Variants in EYS observed in about 807,000 individuals in gnomAD.
The protein encoded by EYS is protein eyes shut homolog.
A neutral mutation model predicts 282.1 loss-of-function variants in EYS; 250 were observed. That is an observed-to-expected ratio of 0.89 (90% CI 0.80 to 0.98). The LOEUF (loss-of-function observed/expected upper bound fraction) is 0.98, where lower values mean the gene tolerates loss of function less well. Among genes scored for constraint, EYS ranks in the 50% least tolerant of loss-of-function variants. The pLI, the probability that EYS is intolerant of heterozygous loss-of-function variation, is 0.00. For synonymous variants in EYS, 1,355 were observed against 1,282.9 expected, an observed-to-expected ratio of 1.06 and a Z score of -1.20; for missense variants, 4,016 against 3,709.0, an observed-to-expected ratio of 1.08 and a Z score of -2.15.
chr6:64,383,642 A>AAGT (rs1772819785), intron 29 of EYS, among the ~76,000 whole-genome samples: 1 of 152,234 alleles, frequency 6.6e-6, no homozygotes, highest in African/African-American at 2.4e-5. Context: ...TTTCACCAGT[A>AAGT]AGTGGACCCC....
intron 35 of EYS, among the ~76,000 whole-genome samples, chr6:63,946,452 T>C (rs2149761480): frequency 6.6e-6 from 1 of 152,326 alleles, no homozygotes; most frequent in Admixed American, 6.5e-5. Context: ...CTTAGATTTT[T>C]TTAGTAGAAA....
At chr6:64,975,361 T>C (rs1399959556) in intron 14 of EYS, among the ~76,000 whole-genome samples, 2 of 151,844 alleles carry the variant, frequency 1.3e-5, no homozygotes, top group African/African-American at 4.8e-5. Context: ...AAAAACTCCT[T>C]CTCTCTGTGC....
chr6:64,905,168 A>G (rs1767784367), intron 16 of EYS, among the ~76,000 whole-genome samples: 1 of 152,246 alleles, frequency 6.6e-6, no homozygotes, highest in Admixed American at 6.5e-5. Flanking sequence ...TTGTTCACAC[A>G]ACAAAATTGC....
At chr6:65,613,109 C>T (rs1681660680) in intron 2 of EYS, among the ~76,000 whole-genome samples, 2 of 151,716 alleles carry the variant, frequency 1.3e-5, no homozygotes, top group African/African-American at 4.8e-5. Flanking sequence ...CAACTATTTC[C>T]ATTGCACAGA....
At chr6:65,700,819 T>C (rs919876088) in intron 1 of EYS, among the ~76,000 whole-genome samples, 1 of 152,212 alleles carries the variant, frequency 6.6e-6, no homozygotes, top group African/African-American at 2.4e-5. Context: ...TTCTTCAGCA[T>C]AGATATAGTC....
At chr6:63,880,005 T>C (rs1773083829) in intron 35 of EYS, among the ~76,000 whole-genome samples, 1 of 152,204 alleles carries the variant, frequency 6.6e-6, no homozygotes, top group Admixed American at 6.5e-5. Context: ...TGCTGTGATT[T>C]TATTTTAACT....
chr6:65,430,938 G>T (rs2150384039), intron 5 of EYS, among the ~76,000 whole-genome samples: 1 of 152,294 alleles, frequency 6.6e-6, no homozygotes, highest in South Asian at 2.1e-4. Context: ...GTCCTCAGGT[G>T]AGATGCAGCA....
At chr6:64,229,469 CATG>C (rs1236307517) in intron 31 of EYS, among the ~76,000 whole-genome samples, 1 of 152,104 alleles carries the variant, frequency 6.6e-6, no homozygotes, top group Admixed American at 6.6e-5. Flanking sequence ...AAGCAAACAT[CATG>C]ATATTTTGCA....
intron 30 of EYS, among the ~76,000 whole-genome samples, chr6:64,242,763 A>G (rs1474397733): frequency 1.3e-5 from 2 of 150,556 alleles, no homozygotes; most frequent in Non-Finnish European, 3.0e-5. Flanking sequence ...GGTTCCTCTG[A>G]GATTAACTTT....
At chr6:64,324,392 T>C (rs1391226046) in intron 29 of EYS, among the ~76,000 whole-genome samples, 1 of 152,168 alleles carries the variant, frequency 6.6e-6, no homozygotes, top group African/African-American at 2.4e-5. Context: ...CAAATAATCA[T>C]TGTGACAGAT....
intron 5 of EYS, chr6:65,489,727 A>C (rs973479027): frequency 5.9e-5 from 9 of 152,190 alleles, no homozygotes; most frequent in African/African-American, 2.2e-4. Context: ...AACTAACCCA[A>C]ATGTCCATCA....
intron 26 of EYS, among the ~76,000 whole-genome samples, chr6:64,443,711 C>T (rs1293302153): frequency 6.6e-6 from 1 of 151,964 alleles, no homozygotes; most frequent in Admixed American, 6.6e-5. Flanking sequence ...TGCCATCTCT[C>T]TTTTTCTCAG....
intron 19 of EYS, among the ~76,000 whole-genome samples, chr6:64,879,448 G>GA (rs66530229): frequency 0.15 from 23,315 of 151,584 alleles, 2,111 homozygotes; most frequent in East Asian, 0.49. Flanking sequence ...CATACACGCA[G>GA]AAAAAAGAAA....
At chr6:63,838,720 G>T (rs540092873) in intron 36 of EYS, among the ~76,000 whole-genome samples, 114 of 152,238 alleles carry the variant, frequency 7.5e-4, no homozygotes, top group Non-Finnish European at 1.4e-3. Context: ...TTCTCCTAAA[G>T]AGTAGGCCTC....
At chr6:65,028,190 A>G (rs1051570604) in intron 13 of EYS, among the ~76,000 whole-genome samples, 1 of 152,088 alleles carries the variant, frequency 6.6e-6, no homozygotes, top group Non-Finnish European at 1.5e-5. Flanking sequence ...AAAGCTTACA[A>G]ACAAATTAAA....
chr6:64,053,062 T>C lies in EYS; in HGVS notation c.6725+13276A>G, dbSNP rs545237071. Among the ~76,000 whole-genome samples the C allele has an allele frequency of 2.9e-3, 439 of 152,324 alleles. 2 individuals carry two copies. Among genetic ancestry groups the C allele is most frequent in the African/African-American group, 0.01 (421 of 41,576 alleles). The stretch of plus-strand genomic sequence containing the variant: ...CAGCATATAATAATTTATAAACAAC[T>C]TTAAAATATGTTTAAATTTATCATA... On this transcript the variant is annotated intron_variant, in intron 33 of 42. Transcript: ENST00000503581.
chr6:64,117,335 C>T (rs865893682), intron 31 of EYS, among the ~76,000 whole-genome samples: 1 of 150,034 alleles, frequency 6.7e-6, no homozygotes, highest in South Asian at 2.1e-4. Context: ...ACAACCCCCC[C>T]CCCAATTAGT....
At chr6:64,796,200 A>C (rs1774350015) in intron 22 of EYS, among the ~76,000 whole-genome samples, 1 of 152,208 alleles carries the variant, frequency 6.6e-6, no homozygotes, top group Non-Finnish European at 1.5e-5. Flanking sequence ...CAATCATAGA[A>C]GATTATGCTT....
At chr6:65,552,870 C>T (rs1256452804) in intron 2 of EYS, among the ~76,000 whole-genome samples, 5 of 148,874 alleles carry the variant, frequency 3.4e-5, no homozygotes, top group Non-Finnish European at 7.6e-5. Context: ...AATTTGTGAT[C>T]AGAGGCAAAA....
Sources: gnomAD v4.1 joint callset for allele counts (sites outside exome capture counted in the v4.1 genomes callset) on GRCh38, gnomAD v4.1.1 for gene constraint, MANE v1.5 for transcripts, NCBI Gene and HGNC (gene_info 2026-07-23, HGNC 2026-07-21) for gene names.